Variants in PLXNA4 observed in about 807,000 individuals in gnomAD.
PLXNA4 encodes plexin A4, also known as plexin-A4.
Under a neutral mutation model 191.8 loss-of-function variants are expected in PLXNA4, and 44 were observed. That is an observed-to-expected ratio of 0.23 (90% CI 0.18 to 0.29). The LOEUF is 0.29. Among genes scored for constraint, PLXNA4 ranks in the 10% least tolerant of loss-of-function variants. PLXNA4 has a pLI of 1.00. For missense variants in PLXNA4, 1,800 were observed against 2,488.8 expected, an observed-to-expected ratio of 0.72 and a Z score of 5.89; for synonymous variants, 1,082 against 1,009.5, an observed-to-expected ratio of 1.07 and a Z score of -1.36.
intron 1 of PLXNA4, among the ~76,000 whole-genome samples, chr7:132,571,538 A>T (rs2116760557): frequency 6.6e-6 from 1 of 152,314 alleles, no homozygotes; most frequent in East Asian, 1.9e-4. Flanking sequence ...ACAAGTGTCA[A>T]GTACCTACCG....
chr7:132,139,616 G>C (rs1795207774), intron 30 of PLXNA4, among the ~76,000 whole-genome samples: 1 of 152,152 alleles, frequency 6.6e-6, no homozygotes, highest in South Asian at 2.1e-4. Context: ...CTTGGTGTGG[G>C]GCTACCTCAT....
At chr7:132,241,296 C>T (rs540713515) in intron 4 of PLXNA4, 130 bp from the exon 5 acceptor site, 3 of 623,126 alleles carry the variant, frequency 4.8e-6, no homozygotes, top group East Asian at 2.9e-5. Context: ...GTGCTTGGAG[C>T]CCAGTGTGGG....
chr7:132,429,939 C>T (rs567709078), intron 3 of PLXNA4, among the ~76,000 whole-genome samples: 35 of 152,314 alleles, frequency 2.3e-4, no homozygotes, highest in African/African-American at 8.4e-4. Context: ...TCCCCAGGAG[C>T]AGAGTGGGCA....
intron 2 of PLXNA4, among the ~76,000 whole-genome samples, chr7:132,494,705 C>T (rs1387171155): frequency 6.6e-6 from 1 of 152,218 alleles, no homozygotes; most frequent in East Asian, 1.9e-4. Context: ...CGTGTCGCCA[C>T]ATACAAATGA....
chr7:132,424,013 C>T (rs1432726973), intron 3 of PLXNA4, among the ~76,000 whole-genome samples: 1 of 152,196 alleles, frequency 6.6e-6, no homozygotes, highest in Non-Finnish European at 1.5e-5. Flanking sequence ...GCTCCCAGAA[C>T]ATGCCCTTTG....
At chr7:132,443,919 T>C (rs932861188) in intron 3 of PLXNA4, among the ~76,000 whole-genome samples, 1 of 152,238 alleles carries the variant, frequency 6.6e-6, no homozygotes, top group African/African-American at 2.4e-5. Context: ...TGGATTCCTT[T>C]GGCTCCCCTG....
chr7:132,265,230 T>C (rs1290955191), intron 4 of PLXNA4, among the ~76,000 whole-genome samples: 1 of 152,198 alleles, frequency 6.6e-6, no homozygotes. Context: ...GTCAGCTGGG[T>C]CCTGCCTGAT....
intron 3 of PLXNA4, among the ~76,000 whole-genome samples, chr7:132,408,064 A>G (rs1229517172): frequency 2.0e-5 from 3 of 152,236 alleles, no homozygotes; most frequent in Non-Finnish European, 2.9e-5. Context: ...TTTATGCACA[A>G]TAATTTTCAT....
At chr7:132,439,638 C>A (rs1387309200) in intron 3 of PLXNA4, among the ~76,000 whole-genome samples, 1 of 152,138 alleles carries the variant, frequency 6.6e-6, no homozygotes, top group African/African-American at 2.4e-5. Context: ...GCTTTTGGAA[C>A]CAAAACATTT....
intron 3 of PLXNA4, among the ~76,000 whole-genome samples, chr7:132,329,062 G>C (rs117047405): frequency 0.013 from 2,029 of 152,326 alleles, 28 homozygotes; most frequent in Non-Finnish European, 0.019. Flanking sequence ...AGACCTACTG[G>C]ATCAGACCCT....
intron 2 of PLXNA4, 141 bp from the exon 3 acceptor site, chr7:132,489,615 TCA>T (rs1304726670): frequency 6.1e-6 from 5 of 825,286 alleles, no homozygotes; most frequent in Non-Finnish European, 8.9e-6. Flanking sequence ...ATGAAAAACG[TCA>T]CTCCAGAGAA....
chr7:132,578,835 C>T (rs914064221), upstream of PLXNA4, among the ~76,000 whole-genome samples: 9 of 152,184 alleles, frequency 5.9e-5, no homozygotes, highest in Admixed American at 2.0e-4. Context: ...ATTAAGCTTA[C>T]ATGAATACAT....
At chr7:132,297,587 T>C (rs571545715) in intron 4 of PLXNA4, among the ~76,000 whole-genome samples, 235 of 152,298 alleles carry the variant, frequency 1.5e-3, no homozygotes, top group African/African-American at 5.3e-3. Flanking sequence ...AAGAGTTGTA[T>C]GTACACACAA....
At chr7:132,470,581 T>G (rs1405486058) in intron 3 of PLXNA4, among the ~76,000 whole-genome samples, 1 of 152,142 alleles carries the variant, frequency 6.6e-6, no homozygotes, top group African/African-American at 2.4e-5. Context: ...AAAAGGGACT[T>G]GGAAGATATC....
intron 20 of PLXNA4, among the ~76,000 whole-genome samples, chr7:132,176,833 C>T (rs920857341): frequency 1.3e-5 from 2 of 150,800 alleles, no homozygotes; most frequent in Non-Finnish European, 1.5e-5. Flanking sequence ...TATGCAAGTA[C>T]GAATGTGAGT....
At chr7:132,331,911 G>A (rs1322199664) in intron 3 of PLXNA4, among the ~76,000 whole-genome samples, 2 of 152,136 alleles carry the variant, frequency 1.3e-5, no homozygotes, top group Non-Finnish European at 2.9e-5. Flanking sequence ...AGTGGAAGGG[G>A]CCCTTGAGTG....
chr7:132,521,804 C>T (rs1219677917), intron 1 of PLXNA4, among the ~76,000 whole-genome samples: 1 of 152,184 alleles, frequency 6.6e-6, no homozygotes, highest in Non-Finnish European at 1.5e-5. Flanking sequence ...CCGACCTCTA[C>T]CTCTGAAATC....
chr7:132,605,997 C>T (rs1001708232), intron 2 of PLXNA4, among the ~76,000 whole-genome samples: 3 of 152,126 alleles, frequency 2.0e-5, no homozygotes, highest in Non-Finnish European at 4.4e-5. Flanking sequence ...AACCCCGCCT[C>T]TACTAAAAAT....
intron 9 of PLXNA4, among the ~76,000 whole-genome samples, chr7:132,214,805 C>T (rs1055161346): frequency 1.3e-5 from 2 of 152,190 alleles, no homozygotes; most frequent in African/African-American, 4.8e-5. Flanking sequence ...TGTCTCCCCA[C>T]TCCTCGGCTA....
Sources: allele counts gnomAD v4.1 joint callset (sites outside exome capture counted in the v4.1 genomes callset), GRCh38; gene constraint gnomAD v4.1.1; transcripts MANE v1.5; gene names NCBI Gene and HGNC (gene_info 2026-07-23, HGNC 2026-07-21).